Variants in SYNRG observed in about 807,000 individuals in gnomAD.
SYNRG encodes the protein synergin gamma, also known as AP1 gamma subunit binding protein 1.
In SYNRG, 37 loss-of-function variants were observed where a neutral mutation model predicts 130.9. The observed-to-expected ratio is 0.28, with a 90% CI of 0.22 to 0.37. The LOEUF is 0.37. Among genes scored for constraint, SYNRG ranks in the 10% least tolerant of loss-of-function variants. SYNRG has a pLI of 1.00. For synonymous variants in SYNRG, 539 were observed against 568.1 expected, an observed-to-expected ratio of 0.95 and a Z score of 0.73; for missense variants, 1,338 against 1,588.9, an observed-to-expected ratio of 0.84 and a Z score of 2.68.
At position 37,542,037 on chromosome 17, in the gene SYNRG, C is replaced by G; in HGVS notation, c.3137G>C (p.Ser1046Thr). The part of the protein sequence containing the change: ...KFDFLVATSQ[S>T]KMKSSEEMIK... Reference sequence around the variant, plus strand: ...CATTTCTTCACTGGATTTCATTTTGCTTTGTGAAGTGGCTACTAAGAAGTC... The same window carrying G: ...CATTTCTTCACTGGATTTCATTTTGGTTTGTGAAGTGGCTACTAAGAAGTC... The change falls in exon 15 of 22, where the codon AGC (serine) becomes ACC (threonine). Residue 1046 changes from serine to threonine, a missense_variant. Ser to Thr is a moderately conservative substitution (Grantham distance 58). Transcript: ENST00000612223. 1 of 1,614,156 alleles carries G rather than the reference C, an allele frequency of 6.2e-7. No individual in the cohort carries two copies. Among genetic ancestry groups the G allele is most frequent in the Admixed American group, 1.7e-5 (1 of 60,020 alleles).
chr17:37,598,125 C>G (rs931197627), intron 2 of SYNRG, among the ~76,000 whole-genome samples: 4 of 152,180 alleles, frequency 2.6e-5, no homozygotes, highest in African/African-American at 9.7e-5. Context: ...CAGGTCTTCA[C>G]TCTCATGGAA....
chr17:37,602,689 T>A (rs1196711745), intron 1 of SYNRG, among the ~76,000 whole-genome samples: 2 of 152,006 alleles, frequency 1.3e-5, no homozygotes, highest in African/African-American at 4.8e-5. Context: ...ACATACCTAG[T>A]GATTTATAAG....
At chr17:37,577,702 T>TC in intron 6 of SYNRG, 89 bp from the exon 7 acceptor site, 1 of 1,041,564 alleles carries the variant, frequency 9.6e-7, no homozygotes, top group Non-Finnish European at 1.4e-6. Context: ...ATTCTTTTTT[T>TC]TTTTTTTTTT....
intron 15 of SYNRG, chr17:37,541,270 G>T: frequency 2.0e-5 from 20 of 985,432 alleles, no homozygotes; most frequent in Non-Finnish European, 2.2e-5. Flanking sequence ...GTCAGGATGA[G>T]ATTAAAGCAG....
rs2058879347 is a variant in SYNRG, at chr17:37,553,672, G to A, written c.2051C>T (p.Pro684Leu). ...TGCAAAGTCATCCTGCTCCCCAACA[G>A]GTGCTAGACCAGAATATTCCCCAAA... ...SLFGEYSGLA[P>L]VGEQDDFADF... Residue 684 changes from proline to leucine, a missense_variant, in exon 14 of 22, where the codon CCT (proline) becomes CTT (leucine). Pro to Leu is a moderately conservative substitution (Grantham distance 98). This residue lies in a region of SYNRG where 1,146 missense variants were observed against 1,342.3 expected (regional missense o/e 0.85). Transcript: ENST00000612223. 1 of 1,614,050 alleles carries A rather than the reference G, an allele frequency of 6.2e-7. No homozygotes were observed. Among genetic ancestry groups the A allele is most frequent in the African/African-American group, 1.3e-5 (1 of 75,042 alleles).
intron 2 of SYNRG, among the ~76,000 whole-genome samples, chr17:37,596,795 A>T (rs2062816588): frequency 6.6e-6 from 1 of 151,546 alleles, no homozygotes; most frequent in South Asian, 2.1e-4. Context: ...ACAGAGTCTC[A>T]CTCTGTCACC....
At chr17:37,599,667 G>C (rs1474752211) in intron 2 of SYNRG, among the ~76,000 whole-genome samples, 2 of 152,150 alleles carry the variant, frequency 1.3e-5, no homozygotes, top group Admixed American at 1.3e-4. Context: ...GCTACAGTAA[G>C]CTATGACTGT....
At chr17:37,566,072 C>T (rs533896889) in intron 11 of SYNRG, among the ~76,000 whole-genome samples, 32 of 151,968 alleles carry the variant, frequency 2.1e-4, no homozygotes, top group Admixed American at 1.7e-3. Context: ...CGCCTCTGCC[C>T]AGCCACCCCT....
intron 14 of SYNRG, among the ~76,000 whole-genome samples, chr17:37,549,703 A>T (rs2058569790): frequency 6.6e-6 from 1 of 152,002 alleles, no homozygotes; most frequent in Non-Finnish European, 1.5e-5. Flanking sequence ...TGATCCTCAC[A>T]CTTTAGCCTC....
At chr17:37,606,061 G>A in intron 1 of SYNRG, 1 of 952,180 alleles carries the variant, frequency 1.1e-6, no homozygotes. Context: ...TTAAAACTAT[G>A]AAATGATTTC....
Position 37,553,942 on chromosome 17 carries a change from G to T in SYNRG, c.1781C>A (p.Ser594Tyr). 3 of 1,610,504 alleles carry T rather than the reference G, an allele frequency of 1.9e-6. No homozygotes were observed. The highest frequency in any genetic ancestry group is 2.5e-6 in the Non-Finnish European group (3 of 1,179,364). The change falls in exon 14 of 22, where the codon TCC (serine) becomes TAC (tyrosine). Residue 594 changes from serine (S) to tyrosine (Y), a missense_variant. Physicochemically the swap from Ser to Tyr is moderately radical, Grantham distance 144. Around this residue, in one of 3 missense-constraint regions of SYNRG, gnomAD observed 1,146 missense variants for 1,342.3 expected, o/e 0.85. Transcript: ENST00000612223. ...PPTKDKTFPP[S>Y]FPSGTIQQKQ... ...CTGTTGTATAGTTCCTGAGGGGAAG[G>T]ATGGTGGAAAAGTTTTGTCTTTTGT...
At chr17:37,528,994 T>C (rs2056296916) in intron 19 of SYNRG, among the ~76,000 whole-genome samples, 1 of 152,234 alleles carries the variant, frequency 6.6e-6, no homozygotes. Flanking sequence ...GGTGTTCAGG[T>C]TCAATTTACA....
intron 14 of SYNRG, among the ~76,000 whole-genome samples, chr17:37,546,638 C>T (rs1370986903): frequency 1.3e-5 from 2 of 152,184 alleles, no homozygotes. Flanking sequence ...GCTGCTACTA[C>T]AGGACACAGA....
At chr17:37,521,302 T>C (rs977355618) in intron 19 of SYNRG, among the ~76,000 whole-genome samples, 12 of 152,086 alleles carry the variant, frequency 7.9e-5, no homozygotes, top group African/African-American at 2.9e-4. Context: ...AGTGGTGGGA[T>C]TACAGGCATA....
chr17:37,525,493 A>G (rs1366269273), intron 19 of SYNRG, among the ~76,000 whole-genome samples: 1 of 152,200 alleles, frequency 6.6e-6, no homozygotes, highest in African/African-American at 2.4e-5. Context: ...CCCTTTTTCA[A>G]TCAGGCATTG....
chr17:37,590,521 G>A (rs1323663352), intron 3 of SYNRG, among the ~76,000 whole-genome samples: 2 of 151,812 alleles, frequency 1.3e-5, no homozygotes, highest in Non-Finnish European at 2.9e-5. Flanking sequence ...GAATGAACTT[G>A]GCATAAATTA....
rs1196732008 is a variant in SYNRG at position 37,604,233 on chromosome 17, C to CT, written c.78-3831dup. Among the ~76,000 whole-genome samples, 10 of 116,310 alleles carry CT rather than the reference C, an allele frequency of 8.6e-5. No individual in the cohort carries two copies. In the East Asian group the frequency reaches 2.3e-3, roughly 26 times the overall value. 76.3% of individuals were successfully genotyped at this position (116,310 alleles called of 152,430 possible). ...CCAGCCTGGGTGACAGAGTGAGACT[C>CT]TGTCTATAAAAAAAAAAAAAAAAGA... On this transcript the variant is annotated intron_variant, in intron 1 of 21. Transcript: ENST00000612223.
At chr17:37,607,980 A>AC in intron 1 of SYNRG, among the ~76,000 whole-genome samples, 1 of 144,896 alleles carries the variant, frequency 6.9e-6, no homozygotes, top group Non-Finnish European at 1.5e-5. Flanking sequence ...AAAAAAAAAA[A>AC]CAAGACAAAA....
rs761313470 is a variant in SYNRG at position 37,553,839 on chromosome 17, C to G, written c.1884G>C (p.Glu628Asp). 2 of 1,613,032 alleles carry G rather than the reference C, an allele frequency of 1.2e-6. No homozygotes were observed. The highest frequency in any genetic ancestry group is 3.4e-5 in the Admixed American group (2 of 59,604). Reference protein sequence around the residue: ...DMFSSVNCSSEKPLSFSAVFS... With the variant: ...DMFSSVNCSSDKPLSFSAVFS... Reference sequence around the variant, plus strand: ...ACACAGCTGAAAAAGACAATGGTTTCTCGCTGCTGCAATTAACTGAGGAAA... The same window carrying G: ...ACACAGCTGAAAAAGACAATGGTTTGTCGCTGCTGCAATTAACTGAGGAAA... The change falls in exon 14 of 22, where the codon GAG becomes GAC. Residue 628 changes from glutamate (E) to aspartate (D), a missense_variant. Physicochemically the swap from Glu to Asp is conservative, Grantham distance 45. Around this residue, in one of 3 missense-constraint regions of SYNRG, gnomAD observed 1,146 missense variants for 1,342.3 expected, o/e 0.85. Transcript: ENST00000612223.
Sources: allele counts gnomAD v4.1 joint callset (sites outside exome capture counted in the v4.1 genomes callset), GRCh38; gene constraint gnomAD v4.1.1; regional missense constraint gnomAD v4.1.1; transcripts MANE v1.5; gene names NCBI Gene and HGNC (gene_info 2026-07-23, HGNC 2026-07-21).